The following MALRD1 variants were observed in gnomAD, a reference collection of about 807,000 sequenced individuals.
MALRD1 encodes the protein MAM and LDL-receptor class A domain-containing protein 1.
Under a neutral mutation model 242.1 loss-of-function variants are expected in MALRD1, and 247 were observed. That is an observed-to-expected ratio of 1.02 (90% CI 0.92 to 1.13). The LOEUF is 1.13. Ranked by LOEUF, MALRD1 falls within the 50% of genes most tolerant of loss-of-function variation. The probability of loss-of-function intolerance (pLI) is 0.00; values close to 1 mark genes in which losing one functional copy is unlikely to be tolerated. For missense variants in MALRD1, 2,989 were observed against 2,533.1 expected, an observed-to-expected ratio of 1.18 and a Z score of -3.86; for synonymous variants, 995 against 866.6, an observed-to-expected ratio of 1.15 and a Z score of -2.60.
chr10:19,539,402 T>G (rs886615165), intron 32 of MALRD1, among the ~76,000 whole-genome samples: 5 of 152,232 alleles, frequency 3.3e-5, no homozygotes, highest in African/African-American at 1.2e-4. Flanking sequence ...GGTTTGCATT[T>G]TCATTACTCA....
intron 28 of MALRD1, among the ~76,000 whole-genome samples, chr10:19,401,565 C>T (rs565069044): frequency 6.6e-6 from 1 of 152,082 alleles, no homozygotes; most frequent in East Asian, 1.9e-4. Context: ...TATGAGAAAA[C>T]AAATTTCAAC....
chr10:19,555,112 G>A (rs1223790800), intron 32 of MALRD1, among the ~76,000 whole-genome samples: 6 of 152,060 alleles, frequency 3.9e-5, no homozygotes, highest in Non-Finnish European at 8.8e-5. Context: ...ATATCTCATT[G>A]TGTTTTTGAT....
chr10:19,203,782 G>A lies in MALRD1; in HGVS notation c.2006G>A (p.Gly669Asp). 1 of 1,550,604 alleles carries A rather than the reference G, an allele frequency of 6.4e-7. No homozygotes were observed. The highest frequency in any genetic ancestry group is 8.7e-7 in the Non-Finnish European group (1 of 1,146,934). Residue 669 changes from glycine to aspartate, a missense_variant, in exon 15 of 40, where the codon GGT (glycine) becomes GAT (aspartate). By Grantham distance (94) the Gly-to-Asp change is moderately conservative. Transcript: ENST00000454679. ...TGTGATTGGTTTGAAGCAATTAGTG[G>A]TGACCATTTTGACTGGATACGGAGC... ...NSCDWFEAIS[G>D]DHFDWIRSSQ...
At chr10:19,367,360 T>C (rs1185609328) in intron 26 of MALRD1, among the ~76,000 whole-genome samples, 1 of 152,164 alleles carries the variant, frequency 6.6e-6, no homozygotes, top group Non-Finnish European at 1.5e-5. Flanking sequence ...AGTGAGAACA[T>C]GTGTTGTTTA....
intron 21 of MALRD1, among the ~76,000 whole-genome samples, chr10:19,301,692 A>G (rs998516610): frequency 6.6e-6 from 1 of 151,718 alleles, no homozygotes; most frequent in Non-Finnish European, 1.5e-5. Flanking sequence ...GAAGGGAACA[A>G]CAGTCACCGG....
intron 29 of MALRD1, among the ~76,000 whole-genome samples, chr10:19,467,419 G>GGAAAAT (rs1836276887): frequency 8.9e-6 from 1 of 112,106 alleles, no homozygotes; most frequent in Non-Finnish European, 1.8e-5. Context: ...AAAAGAAAAA[G>GGAAAAT]ACCTTTCTTA....
At chr10:19,387,850 T>G in intron 27 of MALRD1, 77 bp downstream of exon 27, 4 of 1,478,992 alleles carry the variant, frequency 2.7e-6, no homozygotes, top group African/African-American at 1.4e-5. Flanking sequence ...TGATAGCAAC[T>G]GGGGAGCTCT....
At chr10:19,105,332 A>T (rs1836426611) in intron 5 of MALRD1, among the ~76,000 whole-genome samples, 1 of 152,004 alleles carries the variant, frequency 6.6e-6, no homozygotes, top group Admixed American at 6.6e-5. Flanking sequence ...GTCACAAATG[A>T]TAGGCTTTTA....
chr10:19,347,281 T>C (rs1170784006), intron 24 of MALRD1, among the ~76,000 whole-genome samples: 1 of 152,150 alleles, frequency 6.6e-6, no homozygotes, highest in East Asian at 1.9e-4. Flanking sequence ...CTCATTCAAA[T>C]TATCACACCT....
At chr10:19,695,601 C>T (rs567983631) in intron 38 of MALRD1, among the ~76,000 whole-genome samples, 273 of 151,344 alleles carry the variant, frequency 1.8e-3, no homozygotes, top group Non-Finnish European at 2.8e-3. Flanking sequence ...CTCACTGCCA[C>T]CTCCACCACC....
intron 32 of MALRD1, among the ~76,000 whole-genome samples, chr10:19,555,680 G>A (rs956999583): frequency 6.6e-6 from 1 of 152,132 alleles, no homozygotes; most frequent in Non-Finnish European, 1.5e-5. Context: ...TTCTTACAAT[G>A]TGTTTGTGGC....
At chr10:19,568,091 C>T (rs1836336555) in intron 33 of MALRD1, among the ~76,000 whole-genome samples, 1 of 152,076 alleles carries the variant, frequency 6.6e-6, no homozygotes, top group Non-Finnish European at 1.5e-5. Flanking sequence ...TTCCCCAGGC[C>T]ACGTTCCTTC....
intron 26 of MALRD1, among the ~76,000 whole-genome samples, chr10:19,357,168 A>C (rs1844676557): frequency 6.6e-6 from 1 of 152,052 alleles, no homozygotes; most frequent in Non-Finnish European, 1.5e-5. Flanking sequence ...GTGAAAGCAC[A>C]GGCACCATGT....
chr10:19,238,498 A>ATATTAT lies in MALRD1; in HGVS notation c.2992-19186_2992-19185insTATTAT, dbSNP rs1554817785. On this transcript the variant is annotated intron_variant, in intron 18 of 39. Coordinates refer to ENST00000454679, the MANE Select transcript of MALRD1 (RefSeq NM_001142308.3). Reference sequence around the variant, plus strand: ...ATAATATACATTATATATAATATATAATATAATATATAATGTATATTATAT... The same window carrying ATATTAT: ...ATAATATACATTATATATAATATATATATTATATATAATATATAATGTATATTATAT... Among the ~76,000 whole-genome samples the ATATTAT allele has an allele frequency of 7.0e-4, 5 of 7,146 alleles. 1 individual carries two copies. The highest frequency in any genetic ancestry group is 1.4e-3 in the Non-Finnish European group (5 of 3,560). The allele number at this position is 7,146 out of a possible 152,430, so 4.7% of individuals were successfully genotyped here.
chr10:19,425,509 TTTCCTTTTCTTTTC>T (rs1833871914), intron 28 of MALRD1, among the ~76,000 whole-genome samples: 2 of 152,174 alleles, frequency 1.3e-5, no homozygotes, highest in Non-Finnish European at 2.9e-5. Flanking sequence ...TTTTCTTTTC[TTTCCTTTTCTTTTC>T]TTCCTTTTAA....
intron 38 of MALRD1, among the ~76,000 whole-genome samples, chr10:19,700,570 T>C (rs139754034): frequency 6.6e-6 from 1 of 152,322 alleles, no homozygotes; most frequent in East Asian, 1.9e-4. Context: ...GTTGTGATAC[T>C]CGATCCATGA....
chr10:19,384,685 G>C (rs1235668675), intron 26 of MALRD1, among the ~76,000 whole-genome samples: 1 of 132,210 alleles, frequency 7.6e-6, no homozygotes, highest in African/African-American at 2.8e-5. Flanking sequence ...ATAATATATA[G>C]TATAGATAAA....
intron 22 of MALRD1, 118 bp downstream of exon 22, chr10:19,324,223 A>C: frequency 9.9e-7 from 1 of 1,014,236 alleles, no homozygotes; most frequent in Non-Finnish European, 1.4e-6. Flanking sequence ...CCAACACTTC[A>C]CTAGATTTAT....
At chr10:19,108,022 A>G (rs916288799) in intron 5 of MALRD1, among the ~76,000 whole-genome samples, 4 of 152,058 alleles carry the variant, frequency 2.6e-5, no homozygotes, top group East Asian at 1.9e-4. Flanking sequence ...GTGGATATGG[A>G]TGTTCATATT....
Sources: allele counts gnomAD v4.1 joint callset (sites outside exome capture counted in the v4.1 genomes callset), GRCh38; gene constraint gnomAD v4.1.1; transcripts MANE v1.5; gene names NCBI Gene and HGNC (gene_info 2026-07-23, HGNC 2026-07-21).